The following PPP2R5A variants were observed in gnomAD, a reference collection of about 807,000 sequenced individuals.
PPP2R5A encodes the protein protein phosphatase 2 regulatory subunit B'alpha.
PPP2R5A carries 25 observed loss-of-function variants against 64.2 expected under a neutral mutation model. The observed-to-expected ratio is 0.39, with a 90% CI of 0.28 to 0.54. The LOEUF is 0.54. PPP2R5A is among the 20% of genes least tolerant of loss of function. The pLI, the probability that PPP2R5A is intolerant of heterozygous loss-of-function variation, is 0.67. For missense variants in PPP2R5A, 425 were observed against 576.3 expected (o/e 0.74, Z 2.69); for synonymous variants, 198 against 201.2 (o/e 0.98, Z 0.13).
intron 1 of PPP2R5A, chr1:212,302,033 G>C: frequency 6.6e-7 from 1 of 1,522,372 alleles, no homozygotes. Flanking sequence ...CACCTCAGAA[G>C]TTTAGTTTAT....
intron 1 of PPP2R5A, chr1:212,301,865 A>G: frequency 2.3e-6 from 3 of 1,302,306 alleles, no homozygotes; most frequent in Non-Finnish European, 2.9e-6. Flanking sequence ...CTTACTTTAG[A>G]TTTCAAGTAT....
rs1165270768 is a variant in PPP2R5A, at chr1:212,321,719, G to C, written c.182-7416G>C. On this transcript the variant is annotated intron_variant, in intron 1 of 12. Transcript: ENST00000261461. ...ACTTTCCAGACTGGGCAGCCAGGCA[G>C]AGAGGCTCCTCACATCCCAGACGAT... 5.4e-5 allele frequency among the ~76,000 whole-genome samples: 8 copies of C among 149,468 alleles called. No homozygotes were observed. The East Asian group carries it at 1.6e-3, about 29-fold the overall frequency.
At chr1:212,353,489 T>C (rs1186601651) in intron 8 of PPP2R5A, among the ~76,000 whole-genome samples, 1 of 152,184 alleles carries the variant, frequency 6.6e-6, no homozygotes, top group Admixed American at 6.5e-5. Context: ...ATTTTTCCTT[T>C]CTAAATAGTG....
chr1:212,345,753 G>A (rs781595135), intron 4 of PPP2R5A, 50 bp from the exon 5 acceptor site: 2 of 1,557,064 alleles, frequency 1.3e-6, no homozygotes, highest in Non-Finnish European at 1.7e-6. Flanking sequence ...TTAGAATAAA[G>A]CTTTAGCTCG....
chr1:212,360,864 TAATTA>T lies in PPP2R5A; in HGVS notation c.*97_*101del. 2.4e-6 allele frequency: 3 copies of T among 1,258,642 alleles called. No homozygotes were observed. The highest frequency in any genetic ancestry group is 1.0e-6 in the Non-Finnish European group (1 of 960,288). The allele number at this position is 1,258,642 out of a possible 1,614,324, so 78.0% of individuals were successfully genotyped here. A position where few individuals can be genotyped will look rare whatever the true frequency, so the allele number is the denominator to read the frequency against. On this transcript the variant is annotated 3_prime_UTR_variant, in exon 13 of 13. Coordinates refer to ENST00000261461, the MANE Select transcript of PPP2R5A (RefSeq NM_006243.4). Reference sequence around the variant, plus strand: ...CAAAACAAACCTCATCAGTATAATATAATTAAAAGGCCAATTTTTTCTGGCAACTG... The same window carrying T: ...CAAAACAAACCTCATCAGTATAATATAAAGGCCAATTTTTTCTGGCAACTG...
At chr1:212,333,263 C>T (rs1659536776) in intron 2 of PPP2R5A, among the ~76,000 whole-genome samples, 1 of 152,052 alleles carries the variant, frequency 6.6e-6, no homozygotes, top group African/African-American at 2.4e-5. Context: ...AAGATGAATC[C>T]AGAGGTTATC....
At chr1:212,286,351 C>G in intron 1 of PPP2R5A, 60 bp downstream of exon 1, 1 of 1,389,700 alleles carries the variant, frequency 7.2e-7, no homozygotes, top group Non-Finnish European at 9.3e-7. Flanking sequence ...CTTGCCTCTG[C>G]GCCAGCAGAG....
chr1:212,356,882 T>C, intron 9 of PPP2R5A, 68 bp from the exon 10 acceptor site: 1 of 1,378,800 alleles, frequency 7.3e-7, no homozygotes, highest in Non-Finnish European at 9.8e-7. Context: ...ACCTTCTCAT[T>C]TGTATGGTTT....
chr1:212,307,011 G>C (rs896407182), intron 1 of PPP2R5A: 2 of 143,824 alleles, frequency 1.4e-5, no homozygotes, highest in African/African-American at 6.0e-5. Flanking sequence ...CCACCCACCT[G>C]TGCCTCCCAA....
chr1:212,288,631 A>G (rs188742395), intron 1 of PPP2R5A, among the ~76,000 whole-genome samples: 1 of 152,178 alleles, frequency 6.6e-6, no homozygotes, highest in Non-Finnish European at 1.5e-5. Flanking sequence ...TAAAAAAAAA[A>G]CACCAACATT....
At chr1:212,320,724 G>A (rs1191524107) in intron 1 of PPP2R5A, among the ~76,000 whole-genome samples, 1 of 139,308 alleles carries the variant, frequency 7.2e-6, no homozygotes, top group African/African-American at 2.6e-5. Context: ...GCGGCTGGCC[G>A]GGCAGAGGGG....
chr1:212,320,370 CCGA>C, intron 1 of PPP2R5A, among the ~76,000 whole-genome samples: 1 of 152,158 alleles, frequency 6.6e-6, no homozygotes, highest in South Asian at 2.1e-4. Flanking sequence ...TGGCAACCAT[CCGA>C]TTTCTCAATC....
At chr1:212,333,813 T>C in intron 3 of PPP2R5A, 1 of 384,228 alleles carries the variant, frequency 2.6e-6, no homozygotes, top group Non-Finnish European at 4.6e-6. Flanking sequence ...CATTTTGAAG[T>C]GTACAATTCA....
At position 212,351,102 on chromosome 1, in the gene PPP2R5A, C is replaced by CA. The variant is rs58625826; in HGVS notation, c.927+1871dup. 9.3e-4 allele frequency among the ~76,000 whole-genome samples: 96 copies of CA among 103,752 alleles called. 2 individuals carry two copies. Among genetic ancestry groups the CA allele is most frequent in the Middle Eastern group, 5.6e-3 (1 of 178 alleles). The allele number at this position is 103,752 out of a possible 152,430, so 68.1% of individuals were successfully genotyped here. ...GAGGTTACAGTGAGCCGAGATGACA[C>CA]AAAAAAAAAAACAAAAAAACAAAAA... On this transcript the variant is annotated intron_variant, in intron 8 of 12. Coordinates refer to ENST00000261461, the MANE Select transcript of PPP2R5A (RefSeq NM_006243.4).
chr1:212,313,016 C>T (rs1659067638), intron 1 of PPP2R5A, among the ~76,000 whole-genome samples: 1 of 152,096 alleles, frequency 6.6e-6, no homozygotes, highest in South Asian at 2.1e-4. Context: ...TGTATAGTTG[C>T]CTTCTGTTTA....
chr1:212,305,027 G>A (rs2358449), intron 1 of PPP2R5A, among the ~76,000 whole-genome samples: 1 of 146,172 alleles, frequency 6.8e-6, no homozygotes, highest in East Asian at 2.0e-4. Context: ...TGCCACACCC[G>A]GCCCCCAATT....
chr1:212,307,507 T>G (rs1174172420), intron 1 of PPP2R5A, among the ~76,000 whole-genome samples: 1 of 152,194 alleles, frequency 6.6e-6, no homozygotes, highest in Non-Finnish European at 1.5e-5. Context: ...GCAGCACAAC[T>G]TTCCTCCCAC....
intron 6 of PPP2R5A, among the ~76,000 whole-genome samples, chr1:212,347,644 A>T (rs1320759629): frequency 6.6e-6 from 1 of 151,594 alleles, no homozygotes; most frequent in Non-Finnish European, 1.5e-5. Context: ...GGTTCAAGAG[A>T]TTCCCCAGCC....
chr1:212,314,067 A>G (rs1465827882), intron 1 of PPP2R5A, among the ~76,000 whole-genome samples: 1 of 152,224 alleles, frequency 6.6e-6, no homozygotes, highest in Non-Finnish European at 1.5e-5. Context: ...AATTATATTC[A>G]TAAGAGCTTT....
Sources: allele counts gnomAD v4.1 joint callset (sites outside exome capture counted in the v4.1 genomes callset), GRCh38; gene constraint gnomAD v4.1.1; transcripts MANE v1.5; gene names NCBI Gene and HGNC (gene_info 2026-07-23, HGNC 2026-07-21).